The following CAMTA1 variants were observed in gnomAD, a reference collection of about 807,000 sequenced individuals.
CAMTA1 encodes the protein calmodulin-binding transcription activator 1.
CAMTA1 carries 27 observed loss-of-function variants against 170.9 expected under a neutral mutation model. The observed-to-expected ratio is 0.16, with a 90% CI of 0.12 to 0.22. The LOEUF is 0.22. Ranked by LOEUF, CAMTA1 falls within the 10% of genes least tolerant of loss-of-function variation. The probability of loss-of-function intolerance (pLI) is 1.00; values close to 1 mark genes in which losing one functional copy is unlikely to be tolerated. For missense variants in CAMTA1, 1,619 were observed against 2,217.2 expected, an observed-to-expected ratio of 0.73 and a Z score of 5.42; for synonymous variants, 833 against 891.5, an observed-to-expected ratio of 0.93 and a Z score of 1.17.
intron 11 of CAMTA1, among the ~76,000 whole-genome samples, chr1:7,710,914 C>A (rs999956687): frequency 3.3e-5 from 5 of 152,108 alleles, no homozygotes; most frequent in Non-Finnish European, 5.9e-5. Context: ...TCTTGAGTCA[C>A]GTGTCTAATC....
chr1:7,474,987 C>T (rs558257993), intron 6 of CAMTA1, among the ~76,000 whole-genome samples: 190 of 152,300 alleles, frequency 1.2e-3, no homozygotes, highest in African/African-American at 4.3e-3. Context: ...AGTATGGCCG[C>T]GCTCGCCCCT....
chr1:7,276,278 C>CATATAT (rs1210333666), intron 5 of CAMTA1, among the ~76,000 whole-genome samples: 13 of 58,552 alleles, frequency 2.2e-4, no homozygotes, highest in South Asian at 8.5e-4. Flanking sequence ...TACACCTGAT[C>CATATAT]ATATATATAT....
At chr1:7,472,704 A>C (rs1355419478) in intron 6 of CAMTA1, among the ~76,000 whole-genome samples, 3 of 152,106 alleles carry the variant, frequency 2.0e-5, no homozygotes, top group Non-Finnish European at 4.4e-5. Flanking sequence ...AGCCTTTGCC[A>C]GCCCTGGGTC....
intron 3 of CAMTA1, among the ~76,000 whole-genome samples, chr1:6,914,107 T>TTTTTTC (rs1271445157): frequency 6.7e-6 from 1 of 149,466 alleles, no homozygotes; most frequent in East Asian, 1.9e-4. Flanking sequence ...CATCTCTTTT[T>TTTTTTC]TTTTTTTTTT....
chr1:7,126,574 A>G (rs946050528), intron 4 of CAMTA1, among the ~76,000 whole-genome samples: 3 of 152,242 alleles, frequency 2.0e-5, no homozygotes, highest in African/African-American at 7.2e-5. Context: ...TTCACATTAA[A>G]AATACAAGGG....
intron 5 of CAMTA1, among the ~76,000 whole-genome samples, chr1:7,290,071 A>G (rs1355431635): frequency 2.0e-5 from 3 of 152,242 alleles, no homozygotes; most frequent in Admixed American, 6.5e-5. Flanking sequence ...GCAATAGGTT[A>G]TGGAAGCCCT....
At chr1:7,742,348 C>A (rs914774742) in intron 16 of CAMTA1, among the ~76,000 whole-genome samples, 6 of 151,838 alleles carry the variant, frequency 4.0e-5, no homozygotes, top group African/African-American at 1.5e-4. Flanking sequence ...AATCAGAAGG[C>A]TTGATTTCAT....
chr1:7,257,076 C>CGCGG (rs1553291546), intron 5 of CAMTA1, among the ~76,000 whole-genome samples: 2 of 135,134 alleles, frequency 1.5e-5, no homozygotes, highest in Admixed American at 1.5e-4. Flanking sequence ...CATCGCATGG[C>CGCGG]GGGGGCGGGG....
intron 3 of CAMTA1, among the ~76,000 whole-genome samples, chr1:6,830,951 T>TG (rs1229313842): frequency 6.6e-6 from 1 of 152,092 alleles, no homozygotes; most frequent in Non-Finnish European, 1.5e-5. Flanking sequence ...CCTGAGTAGC[T>TG]GGGACTACAG....
At chr1:7,074,993 T>C (rs1464846145) in intron 3 of CAMTA1, among the ~76,000 whole-genome samples, 1 of 152,254 alleles carries the variant, frequency 6.6e-6, no homozygotes, top group Non-Finnish European at 1.5e-5. Flanking sequence ...ACATGCCTCC[T>C]ACTTCAACTT....
rs575515762 is a variant in CAMTA1, at chr1:7,553,490, A to C, written c.510+85589A>C. ...CAGGGCTCCCCTGGAGGGAGCTCAC[A>C]GCCTAGTGGACTGAAAGATTGAAAG... On this transcript the variant is annotated intron_variant, in intron 6 of 22. Transcript: ENST00000303635. Among the ~76,000 whole-genome samples the C allele has an allele frequency of 3.9e-5, 6 of 152,372 alleles. No individual in the cohort carries two copies. In the East Asian group the frequency reaches 1.2e-3, roughly 29 times the overall value.
chr1:7,015,558 C>T (rs565098750), intron 3 of CAMTA1, among the ~76,000 whole-genome samples: 2 of 152,146 alleles, frequency 1.3e-5, no homozygotes, highest in African/African-American at 4.8e-5. Flanking sequence ...GTTAAATTGA[C>T]GTTTTTGGGG....
chr1:7,164,476 G>A (rs993316605), intron 4 of CAMTA1, among the ~76,000 whole-genome samples: 1 of 152,226 alleles, frequency 6.6e-6, no homozygotes, highest in African/African-American at 2.4e-5. Context: ...TGTTTGGGCT[G>A]GCACCCCTCA....
At chr1:7,231,350 TGAGAGAGA>T (rs1553280259) in intron 4 of CAMTA1, among the ~76,000 whole-genome samples, 1 of 141,106 alleles carries the variant, frequency 7.1e-6, no homozygotes, top group African/African-American at 2.7e-5. Flanking sequence ...TGTGTGTGTG[TGAGAGAGA>T]GAGAGAGAGA....
intron 1 of CAMTA1, among the ~76,000 whole-genome samples, chr1:6,798,965 A>G (rs1570059539): frequency 1.3e-5 from 2 of 152,206 alleles, no homozygotes; most frequent in East Asian, 3.8e-4. Flanking sequence ...CTAGCTGTGA[A>G]GGCTTTGCAC....
chr1:7,059,336 G>T, intron 3 of CAMTA1, among the ~76,000 whole-genome samples: 1 of 152,212 alleles, frequency 6.6e-6, no homozygotes, highest in Non-Finnish European at 1.5e-5. Context: ...AAGAAATCTT[G>T]GCGGGGCATG....
At chr1:7,263,013 C>A (rs1668395096) in intron 5 of CAMTA1, among the ~76,000 whole-genome samples, 1 of 152,152 alleles carries the variant, frequency 6.6e-6, no homozygotes, top group South Asian at 2.1e-4. Context: ...AGTAGCTCCC[C>A]TCCCAGATTA....
intron 16 of CAMTA1, among the ~76,000 whole-genome samples, chr1:7,744,267 G>T (rs901349177): frequency 6.6e-6 from 1 of 151,756 alleles, no homozygotes; most frequent in African/African-American, 2.4e-5. Context: ...ACGTAGCTGG[G>T]ATTATAGGCA....
intron 6 of CAMTA1, among the ~76,000 whole-genome samples, chr1:7,533,957 T>C (rs552420581): frequency 3.3e-5 from 5 of 152,160 alleles, no homozygotes; most frequent in African/African-American, 1.2e-4. Context: ...TCCAGGCTTC[T>C]TCCCTTGAAG....
Sources: allele counts gnomAD v4.1 joint callset (sites outside exome capture counted in the v4.1 genomes callset), GRCh38; gene constraint gnomAD v4.1.1; transcripts MANE v1.5; gene names NCBI Gene and HGNC (gene_info 2026-07-23, HGNC 2026-07-21).